GYPC: variants seen among roughly 807,000 people sequenced by gnomAD.
GYPC encodes glycophorin C (Gerbich blood group), also known as glycophorin-C.
GYPC carries 14 observed loss-of-function variants against 12.6 expected under a neutral mutation model. The ratio of observed to expected loss-of-function variants is 1.11; its 90% CI spans 0.74 to 1.74. The LOEUF is 1.74. Ranked by LOEUF, GYPC falls within the 40% of genes most tolerant of loss-of-function variation. The pLI is 0.00. For synonymous variants in GYPC, 78 were observed against 62.1 expected, an observed-to-expected ratio of 1.26 and a Z score of -1.20; for missense variants, 225 against 172.1, an observed-to-expected ratio of 1.31 and a Z score of -1.72.
chr2:126,693,674 A>T (rs540261787), intron 2 of GYPC, among the ~76,000 whole-genome samples, 190 bp from the exon 3 acceptor site: 4 of 152,240 alleles, frequency 2.6e-5, no homozygotes, highest in Non-Finnish European at 2.9e-5. Flanking sequence ...CCAGTCAGTG[A>T]CCAAGCAGAA....
At chr2:126,694,292 C>T (rs1026211859) in intron 3 of GYPC, among the ~76,000 whole-genome samples, 55 of 152,180 alleles carry the variant, frequency 3.6e-4, no homozygotes, top group African/African-American at 1.3e-3. Context: ...CCACCATCTC[C>T]CTCATCCCAC....
chr2:126,656,226 C>G lies in GYPC; in HGVS notation c.-38C>G. ...CCCGGCCCGGCCTGGCCCGGCCTGG[C>G]CAGTCCCCGCGGTCTCTGCCCGGGC... On this transcript the variant is annotated 5_prime_UTR_variant, in exon 1 of 4. Transcript: ENST00000259254. 1 of 1,583,204 alleles carries G rather than the reference C, an allele frequency of 6.3e-7. No homozygotes were observed. The highest frequency in any genetic ancestry group is 2.3e-5 in the East Asian group (1 of 42,682).
intron 1 of GYPC, among the ~76,000 whole-genome samples, chr2:126,681,360 A>C (rs1210249881): frequency 6.6e-6 from 1 of 152,108 alleles, no homozygotes; most frequent in Admixed American, 6.6e-5. Context: ...ATCATAATTG[A>C]CATAACCAAT....
At chr2:126,690,648 G>A (rs558333361) in intron 2 of GYPC, among the ~76,000 whole-genome samples, 6 of 152,286 alleles carry the variant, frequency 3.9e-5, no homozygotes, top group African/African-American at 1.2e-4. Context: ...GGGAGGTTGA[G>A]GGTGGAGGTG....
intron 1 of GYPC, among the ~76,000 whole-genome samples, chr2:126,669,480 T>C (rs1000136462): frequency 6.6e-6 from 1 of 151,932 alleles, no homozygotes; most frequent in African/African-American, 2.4e-5. Flanking sequence ...AAGAACAGAG[T>C]ATCCTCTCCC....
chr2:126,669,261 G>A (rs552290973), intron 1 of GYPC, among the ~76,000 whole-genome samples: 4 of 152,272 alleles, frequency 2.6e-5, no homozygotes, highest in South Asian at 4.1e-4. Flanking sequence ...CACTACGTGC[G>A]CAGTGTTGCC....
intron 1 of GYPC, among the ~76,000 whole-genome samples, chr2:126,668,394 C>G (rs1289400185): frequency 6.6e-6 from 1 of 152,136 alleles, no homozygotes; most frequent in Admixed American, 6.5e-5. Flanking sequence ...AGAGCCAGAG[C>G]AGTTAACTGA....
At chr2:126,659,386 T>C (rs917306218) in intron 1 of GYPC, among the ~76,000 whole-genome samples, 1 of 152,142 alleles carries the variant, frequency 6.6e-6, no homozygotes, top group Non-Finnish European at 1.5e-5. Flanking sequence ...CAGAGCAACA[T>C]CCGTGCTGTG....
intron 1 of GYPC, among the ~76,000 whole-genome samples, chr2:126,666,674 C>T (rs1023870139): frequency 2.0e-5 from 3 of 151,000 alleles, no homozygotes; most frequent in African/African-American, 7.3e-5. Flanking sequence ...GTGATGCTGG[C>T]CTTCCATTCT....
intron 1 of GYPC, among the ~76,000 whole-genome samples, chr2:126,680,799 A>T (rs1380483569): frequency 6.6e-6 from 1 of 152,218 alleles, no homozygotes; most frequent in Non-Finnish European, 1.5e-5. Context: ...AGCATCTCCT[A>T]ACCAGGTTAG....
chr2:126,656,375 A>T (rs982427053), intron 1 of GYPC, 63 bp downstream of exon 1: 8 of 1,427,148 alleles, frequency 5.6e-6, no homozygotes, highest in Non-Finnish European at 7.7e-6. Flanking sequence ...CGCAGCAGCC[A>T]GGGGCCGAGC....
At chr2:126,666,008 C>G (rs1051625634) in intron 1 of GYPC, among the ~76,000 whole-genome samples, 2 of 152,156 alleles carry the variant, frequency 1.3e-5, no homozygotes, top group African/African-American at 2.4e-5. Flanking sequence ...ATCGTTACAG[C>G]CCTGAGGTCG....
chr2:126,669,721 G>A (rs28387126), intron 1 of GYPC, among the ~76,000 whole-genome samples: 35,189 of 152,014 alleles, frequency 0.23, 5,005 homozygotes, highest in Non-Finnish European at 0.33. Context: ...AGGACGTGGC[G>A]GTCACAGGAG....
intron 1 of GYPC, among the ~76,000 whole-genome samples, chr2:126,675,441 C>T (rs1159872568): frequency 6.6e-6 from 1 of 152,178 alleles, no homozygotes; most frequent in Non-Finnish European, 1.5e-5. Context: ...CACACTCCTG[C>T]TTAAACCCCA....
At chr2:126,672,276 A>T (rs1416962945) in intron 1 of GYPC, among the ~76,000 whole-genome samples, 1 of 151,984 alleles carries the variant, frequency 6.6e-6, no homozygotes, top group Non-Finnish European at 1.5e-5. Context: ...CTAACAAGAG[A>T]CTGAGAGGAA....
At chr2:126,666,433 T>C (rs988899847) in intron 1 of GYPC, among the ~76,000 whole-genome samples, 3 of 152,236 alleles carry the variant, frequency 2.0e-5, no homozygotes, top group Non-Finnish European at 4.4e-5. Flanking sequence ...CTGTTTCCAC[T>C]CTTCATTCGA....
chr2:126,694,020 G>A (rs910064368), intron 3 of GYPC, 73 bp downstream of exon 3: 2 of 1,036,454 alleles, frequency 1.9e-6, no homozygotes, highest in Non-Finnish European at 3.1e-6. Context: ...GGGGAGAACT[G>A]ACCTAAGGAC....
chr2:126,671,548 G>T (rs1026866103), intron 1 of GYPC, among the ~76,000 whole-genome samples: 3 of 152,200 alleles, frequency 2.0e-5, no homozygotes, highest in African/African-American at 4.8e-5. Flanking sequence ...GAGCCTCGGG[G>T]GTCAATGTGT....
chr2:126,664,951 T>TTCTCTCTCTC (rs143811361), intron 1 of GYPC, among the ~76,000 whole-genome samples: 1 of 148,664 alleles, frequency 6.7e-6, no homozygotes, highest in African/African-American at 2.5e-5. Context: ...CTTGCTGTCT[T>TTCTCTCTCTC]TCTCTCTCTC....
Sources: gnomAD v4.1 joint callset for allele counts (sites outside exome capture counted in the v4.1 genomes callset) on GRCh38, gnomAD v4.1.1 for gene constraint, MANE v1.5 for transcripts, NCBI Gene and HGNC (gene_info 2026-07-23, HGNC 2026-07-21) for gene names.